SHISA9: variants seen among roughly 807,000 people sequenced by gnomAD.
The protein encoded by SHISA9 is protein shisa-9.
In SHISA9, 13 loss-of-function variants were observed where a neutral mutation model predicts 38.0. The observed-to-expected ratio is 0.34, with a 90% CI of 0.22 to 0.54. The LOEUF (loss-of-function observed/expected upper bound fraction) is 0.54, where lower values mean the gene tolerates loss of function less well. Ranked by LOEUF, SHISA9 falls within the 20% of genes least tolerant of loss-of-function variation. SHISA9 has a pLI of 0.91. For synonymous variants in SHISA9, 275 were observed against 242.0 expected, an observed-to-expected ratio of 1.14 and a Z score of -1.27; for missense variants, 538 against 575.8, an observed-to-expected ratio of 0.93 and a Z score of 0.67.
At chr16:13,331,158 A>G in the SHISA9 span, among the ~76,000 whole-genome samples, 1 of 152,200 alleles carries the variant, frequency 6.6e-6, no homozygotes, top group African/African-American at 2.4e-5. Context: ...CAATGGTGCT[A>G]GACCCACGAA....
chr16:13,281,807 G>A, the SHISA9 span, among the ~76,000 whole-genome samples: 4 of 150,436 alleles, frequency 2.7e-5, no homozygotes, highest in Admixed American at 2.6e-4. Flanking sequence ...TTCATACCTG[G>A]GCCACCTCCC....
chr16:13,169,075 T>G (rs1352035635), intron 2 of SHISA9, among the ~76,000 whole-genome samples: 1 of 152,174 alleles, frequency 6.6e-6, no homozygotes, highest in East Asian at 1.9e-4. Context: ...CTGTATACAA[T>G]GACCCCTACG....
the SHISA9 span, among the ~76,000 whole-genome samples, chr16:13,460,542 C>G: frequency 2.0e-5 from 3 of 152,146 alleles, no homozygotes; most frequent in African/African-American, 7.2e-5. Flanking sequence ...CTCCAAAGCC[C>G]ATGAGTTTTC....
the SHISA9 span, among the ~76,000 whole-genome samples, chr16:13,327,025 T>G: frequency 3.3e-4 from 50 of 152,238 alleles, no homozygotes; most frequent in African/African-American, 1.1e-3. Flanking sequence ...ATGTACACAG[T>G]TTAGGTGTTG....
the SHISA9 span, among the ~76,000 whole-genome samples, chr16:13,355,217 T>G: frequency 4.7e-5 from 7 of 149,340 alleles, no homozygotes; most frequent in African/African-American, 1.7e-4. Flanking sequence ...ATGGGGGAAT[T>G]GTAAGGAGAG....
chr16:13,168,351 A>T (rs936151878), intron 2 of SHISA9, among the ~76,000 whole-genome samples: 6 of 152,230 alleles, frequency 3.9e-5, no homozygotes, highest in African/African-American at 1.4e-4. Context: ...ACTCTGCCAC[A>T]CATGGGCAGC....
chr16:13,092,476 T>C (rs1323127239), intron 2 of SHISA9, among the ~76,000 whole-genome samples: 1 of 152,172 alleles, frequency 6.6e-6, no homozygotes, highest in Admixed American at 6.5e-5. Flanking sequence ...GTGGGCTCCG[T>C]CCAGTTCGAG....
chr16:13,497,695 A>G, the SHISA9 span, among the ~76,000 whole-genome samples: 3 of 140,776 alleles, frequency 2.1e-5, no homozygotes, highest in Admixed American at 7.0e-5. Context: ...CAAAAAAAAA[A>G]AAAAAAGAAA....
At chr16:13,210,974 C>T (rs542820844) in intron 3 of SHISA9, among the ~76,000 whole-genome samples, 2 of 152,200 alleles carry the variant, frequency 1.3e-5, no homozygotes, top group African/African-American at 4.8e-5. Context: ...GAGAGCTTAC[C>T]AAGGTACTCA....
intron 2 of SHISA9, among the ~76,000 whole-genome samples, chr16:13,030,764 C>T (rs79032777): frequency 0.031 from 4,772 of 152,266 alleles, 267 homozygotes; most frequent in African/African-American, 0.11. Flanking sequence ...AAAAAATTAA[C>T]TATTCTTTAA....
At chr16:13,108,661 C>A (rs1177866812) in intron 2 of SHISA9, among the ~76,000 whole-genome samples, 2 of 152,038 alleles carry the variant, frequency 1.3e-5, no homozygotes, top group Non-Finnish European at 2.9e-5. Context: ...TCATGTAATA[C>A]TAGAGGGAAA....
At chr16:13,450,904 C>T in the SHISA9 span, among the ~76,000 whole-genome samples, 2 of 152,148 alleles carry the variant, frequency 1.3e-5, no homozygotes, top group African/African-American at 4.8e-5. Flanking sequence ...ATTCATTTAA[C>T]AAATACCCAC....
the SHISA9 span, among the ~76,000 whole-genome samples, chr16:13,542,202 G>A: frequency 4.6e-5 from 7 of 152,282 alleles, no homozygotes; most frequent in East Asian, 5.8e-4. Context: ...CCCTGCTGAC[G>A]CCTTGGTTTC....
At chr16:13,193,099 T>A (rs1240340085) in intron 2 of SHISA9, among the ~76,000 whole-genome samples, 1 of 152,194 alleles carries the variant, frequency 6.6e-6, no homozygotes, top group African/African-American at 2.4e-5. Context: ...GGTGGTTCAA[T>A]GCGTGGTTCA....
chr16:12,986,317 T>TCTTGCTTG (rs1431136601), intron 2 of SHISA9, among the ~76,000 whole-genome samples: 1 of 152,184 alleles, frequency 6.6e-6, no homozygotes, highest in Non-Finnish European at 1.5e-5. Context: ...CTTCTTGCTT[T>TCTTGCTTG]CTTGCTTGCT....
At chr16:13,431,432 C>T in the SHISA9 span, among the ~76,000 whole-genome samples, 1 of 152,184 alleles carries the variant, frequency 6.6e-6, no homozygotes, top group African/African-American at 2.4e-5. Flanking sequence ...ATATGTGATG[C>T]TTTCTTGCTT....
the SHISA9 span, among the ~76,000 whole-genome samples, chr16:13,249,553 T>C: frequency 2.0e-5 from 3 of 152,178 alleles, no homozygotes; most frequent in Non-Finnish European, 4.4e-5. Context: ...GGTCCTGCCT[T>C]CCAAGACCTT....
the SHISA9 span, among the ~76,000 whole-genome samples, chr16:13,389,428 A>G: frequency 1.3e-5 from 2 of 152,290 alleles, no homozygotes; most frequent in East Asian, 1.9e-4. Context: ...ATAGTAATCT[A>G]TTGTTCATGG....
chr16:13,177,177 C>G (rs953367351), intron 2 of SHISA9, among the ~76,000 whole-genome samples: 45 of 152,172 alleles, frequency 3.0e-4, no homozygotes, highest in African/African-American at 1.1e-3. Context: ...GGACAGTGTA[C>G]AGAACCCCCT....
Sources: gnomAD v4.1 joint callset for allele counts (sites outside exome capture counted in the v4.1 genomes callset) on GRCh38, gnomAD v4.1.1 for gene constraint, MANE v1.5 for transcripts, NCBI Gene and HGNC (gene_info 2026-07-23, HGNC 2026-07-21) for gene names.